Variants in SLC1A4 observed in about 807,000 individuals in gnomAD.
SLC1A4 encodes the protein neutral amino acid transporter A.
In SLC1A4, 19 loss-of-function variants were observed where a neutral mutation model predicts 37.7. The observed-to-expected ratio is 0.50, with a 90% CI of 0.35 to 0.74. SLC1A4 has a LOEUF of 0.74. Among genes scored for constraint, SLC1A4 ranks in the 30% least tolerant of loss-of-function variants. The pLI is 0.01. For missense variants in SLC1A4, 570 were observed against 712.9 expected, an observed-to-expected ratio of 0.80 and a Z score of 2.28; for synonymous variants, 299 against 309.8, an observed-to-expected ratio of 0.97 and a Z score of 0.37.
chr2:65,014,826 G>C (rs1457818951), intron 4 of SLC1A4, among the ~76,000 whole-genome samples: 1 of 152,204 alleles, frequency 6.6e-6, no homozygotes, highest in Non-Finnish European at 1.5e-5. Flanking sequence ...ATAAACCTGG[G>C]AACAACTTAA....
At chr2:65,019,641 G>A (rs1674326849) in intron 7 of SLC1A4, among the ~76,000 whole-genome samples, 1 of 152,178 alleles carries the variant, frequency 6.6e-6, no homozygotes, top group South Asian at 2.1e-4. Flanking sequence ...CAACTTGAAG[G>A]GGCTTCTCAG....
chr2:64,988,801 A>G (rs994422762), upstream of SLC1A4, among the ~76,000 whole-genome samples: 2 of 151,988 alleles, frequency 1.3e-5, no homozygotes, highest in Non-Finnish European at 2.9e-5. Flanking sequence ...CGACGGCAGG[A>G]CCGCCCCGGG....
rs369182463 is a variant in SLC1A4 at position 65,016,482 on chromosome 2, C to T, written c.843C>T (p.Ile281=). ...VGIMFLVGSK[I]VEMKDIIVLV... The stretch of plus-strand genomic sequence containing the variant: ...TCATGTTCCTTGTTGGAAGCAAGAT[C>T]GTGGAAATGAAAGACATCATCGTGC... Residue 281 remains isoleucine, a synonymous_variant, in exon 5 of 8, where the codon ATC becomes ATT. Transcript: ENST00000234256. The T allele has an allele frequency of 2.6e-5, 42 of 1,614,018 alleles. No individual in the cohort carries two copies. The highest frequency in any genetic ancestry group is 9.3e-5 in the African/African-American group (7 of 74,900).
intron 2 of SLC1A4, 81 bp from the exon 3 acceptor site, chr2:65,003,872 A>G (rs1673572310): frequency 3.1e-6 from 3 of 978,944 alleles, no homozygotes; most frequent in East Asian, 4.9e-5. Flanking sequence ...AAGTACCAAG[A>G]GTGCAGCAGT....
chr2:65,004,779 A>G (rs1673613565), intron 3 of SLC1A4, among the ~76,000 whole-genome samples: 2 of 152,200 alleles, frequency 1.3e-5, no homozygotes, highest in Admixed American at 1.3e-4. Flanking sequence ...GTTTACAGAT[A>G]CTTGCATTTA....
In SLC1A4 at chr2:65,017,495, T is replaced by TA. The variant is rs747628209; in HGVS notation, c.1035-560dup. Among the ~76,000 whole-genome samples the TA allele has an allele frequency of 6.5e-3, 846 of 129,878 alleles. 11 individuals are homozygous for TA. Among genetic ancestry groups the TA allele is most frequent in the East Asian group, 0.016 (71 of 4,534 alleles). The allele number at this position is 129,878 out of a possible 152,430, so 85.2% of individuals were successfully genotyped here. Reference sequence around the variant, plus strand: ...TATTTATATAACACAGAGGTGGGAGTAAAAAAAAAAAAAAAATTAGGGAAG... The same window carrying TA: ...TATTTATATAACACAGAGGTGGGAGTAAAAAAAAAAAAAAAAATTAGGGAAG... On this transcript the variant is annotated intron_variant, in intron 5 of 7. Transcript: ENST00000234256.
In SLC1A4 at chr2:65,022,080, A is replaced by G. The variant is rs1674450564; in HGVS notation, c.*934A>G. On this transcript the variant is annotated 3_prime_UTR_variant, in exon 8 of 8. Transcript: ENST00000234256. ...TCACATTCAGGACCCTTGTTGATTTATCATCTATTATTTGAATTCAACTGG... is the reference window on the plus strand; with the variant it reads ...TCACATTCAGGACCCTTGTTGATTTGTCATCTATTATTTGAATTCAACTGG... 1.3e-5 allele frequency: 2 copies of G among 152,242 alleles called. No individual in the cohort carries two copies. Among genetic ancestry groups the G allele is most frequent in the African/African-American group, 4.8e-5 (2 of 41,460 alleles). 9.4% of individuals were successfully genotyped at this position (152,242 alleles called of 1,614,324 possible). A position where few individuals can be genotyped will look rare whatever the true frequency, so the allele number is the denominator to read the frequency against.
At chr2:64,997,500 A>G (rs1222080436) in intron 1 of SLC1A4, among the ~76,000 whole-genome samples, 1 of 152,140 alleles carries the variant, frequency 6.6e-6, no homozygotes, top group Non-Finnish European at 1.5e-5. Flanking sequence ...CAGGCAGCTG[A>G]CCTGCTTTTT....
At chr2:64,998,162 C>T (rs891121240) in intron 1 of SLC1A4, among the ~76,000 whole-genome samples, 5 of 152,006 alleles carry the variant, frequency 3.3e-5, no homozygotes, top group African/African-American at 1.2e-4. Flanking sequence ...GTGTGAACCT[C>T]GGAGGCGGAG....
At chr2:65,008,755 T>C (rs1249723932) in intron 3 of SLC1A4, among the ~76,000 whole-genome samples, 7 of 152,228 alleles carry the variant, frequency 4.6e-5, no homozygotes, top group Non-Finnish European at 1.0e-4. Context: ...AGATATTCCA[T>C]TAATATAATA....
chr2:64,989,062 A>T (rs557493500), upstream of SLC1A4, among the ~76,000 whole-genome samples: 3 of 152,032 alleles, frequency 2.0e-5, no homozygotes, highest in Non-Finnish European at 2.9e-5. Flanking sequence ...GGTGCCAAGG[A>T]GCCCGGGCGG....
intron 1 of SLC1A4, among the ~76,000 whole-genome samples, chr2:64,996,473 GAA>G (rs1006994647): frequency 6.6e-6 from 1 of 152,222 alleles, no homozygotes; most frequent in Non-Finnish European, 1.5e-5. Flanking sequence ...AACACCCAGT[GAA>G]AGTGGGTGAT....
intron 2 of SLC1A4, 98 bp from the exon 3 acceptor site, chr2:65,003,855 G>C (rs1411674590): frequency 2.3e-6 from 2 of 858,892 alleles, no homozygotes; most frequent in African/African-American, 1.7e-5. Context: ...AGTGTGAACA[G>C]TGACAGAAGT....
intron 7 of SLC1A4, among the ~76,000 whole-genome samples, chr2:65,019,534 T>C (rs13032158): frequency 0.017 from 2,610 of 152,264 alleles, 32 homozygotes; most frequent in Non-Finnish European, 0.026. Context: ...TCAATTCATG[T>C]CAGCAAAGAA....
intron 1 of SLC1A4, among the ~76,000 whole-genome samples, chr2:64,997,514 A>C (rs7592468): frequency 6.6e-6 from 1 of 151,960 alleles, no homozygotes; most frequent in Non-Finnish European, 1.5e-5. Context: ...GCTTTTTATC[A>C]CTATAAATTA....
chr2:65,017,278 G>A (rs966992690), intron 5 of SLC1A4, among the ~76,000 whole-genome samples: 4 of 151,710 alleles, frequency 2.6e-5, no homozygotes, highest in Admixed American at 6.6e-5. Flanking sequence ...AGCCCTCTAG[G>A]AGTCCACAAT....
Position 65,023,420 on chromosome 2 carries a change from C to CTA in SLC1A4, c.*2275_*2276dup, listed in dbSNP as rs1227009619. ...GGATAGAGGGGAACTTAACTATTAA[C>CTA]TACAAGTTGTATGTCTGTGGTATCT... On this transcript the variant is annotated 3_prime_UTR_variant, in exon 8 of 8. Coordinates refer to ENST00000234256, the MANE Select transcript of SLC1A4 (RefSeq NM_003038.5). 1 of 152,216 alleles carries CTA rather than the reference C, an allele frequency of 6.6e-6. No individual in the cohort carries two copies. Among genetic ancestry groups the CTA allele is most frequent in the Non-Finnish European group, 1.5e-5 (1 of 68,044 alleles). 9.4% of individuals were successfully genotyped at this position (152,216 alleles called of 1,614,324 possible). A position where few individuals can be genotyped will look rare whatever the true frequency, so the allele number is the denominator to read the frequency against.
chr2:65,004,046 A>C (rs781216847), intron 3 of SLC1A4, 31 bp downstream of exon 3: 3 of 1,541,382 alleles, frequency 1.9e-6, no homozygotes, highest in Admixed American at 1.7e-5. Flanking sequence ...ACTTGTAAAA[A>C]TATGTCTAAA....
chr2:64,991,593 T>TTTTG (rs10659734), intron 1 of SLC1A4, among the ~76,000 whole-genome samples: 40 of 143,404 alleles, frequency 2.8e-4, no homozygotes, highest in African/African-American at 9.2e-4. Context: ...ACACCCAGCT[T>TTTTG]TTTGTTTGTT....
Sources: gnomAD v4.1 joint callset for allele counts (sites outside exome capture counted in the v4.1 genomes callset) on GRCh38, gnomAD v4.1.1 for gene constraint, MANE v1.5 for transcripts, NCBI Gene and HGNC (gene_info 2026-07-23, HGNC 2026-07-21) for gene names.